Variants in DMD observed in about 807,000 individuals in gnomAD.
DMD encodes the protein dystrophin.
In DMD, 63 loss-of-function variants were observed where a neutral mutation model predicts 330.1. That is an observed-to-expected ratio of 0.19 (90% CI 0.16 to 0.24). The LOEUF is 0.24. Ranked by LOEUF, DMD falls within the 10% of genes least tolerant of loss-of-function variation. The probability of loss-of-function intolerance (pLI) is 1.00; values close to 1 mark genes in which losing one functional copy is unlikely to be tolerated. For missense variants in DMD, 3,344 were observed against 2,684.1 expected (o/e 1.25, Z -5.43); for synonymous variants, 1,223 against 959.8 (o/e 1.27, Z -5.07).
chrX:32,092,798 A>G (rs2096484763), intron 44 of DMD, among the ~76,000 whole-genome samples: 1 of 87,720 alleles, frequency 1.1e-5, no homozygotes, highest in Admixed American at 1.5e-4. Context: ...TTAGGGGAAG[A>G]GTGCCTTTGG....
intron 1 of DMD, among the ~76,000 whole-genome samples, chrX:33,286,631 ATGT>A (rs1231558117): frequency 2.7e-5 from 3 of 111,767 alleles, no homozygotes; most frequent in Non-Finnish European, 3.8e-5. Flanking sequence ...ACAATACATA[ATGT>A]TGTTGTTGTG....
At chrX:32,372,871 C>T (rs2097885040) in intron 34 of DMD, among the ~76,000 whole-genome samples, 1 of 111,021 alleles carries the variant, frequency 9.0e-6, no homozygotes, top group Non-Finnish European at 1.9e-5. Flanking sequence ...ACCTTTTAAA[C>T]AATTTGGAAT....
intron 44 of DMD, among the ~76,000 whole-genome samples, chrX:32,018,070 T>G (rs2095779080): frequency 9.0e-6 from 1 of 111,284 alleles, no homozygotes; most frequent in Non-Finnish European, 1.9e-5. Flanking sequence ...TGCACATAAT[T>G]TACAGTCCAG....
Position 32,970,745 on chromosome X carries a change from C to T in DMD, c.93+49394G>A, listed in dbSNP as rs1444262671. Among the ~76,000 whole-genome samples the T allele has an allele frequency of 2.1e-5, 2 of 93,654 alleles. 1 individual carries two copies. Among genetic ancestry groups the T allele is most frequent in the Non-Finnish European group, 4.1e-5 (2 of 49,294 alleles). 81.3% of individuals were successfully genotyped at this position (93,654 alleles called of 115,157 possible). A position where few individuals can be genotyped will look rare whatever the true frequency, so the allele number is the denominator to read the frequency against. ...TTTCTTTTTCTTTATTTAGTCTTAA[C>T]ACTGAAAAGTCTTAATGAATGTGTA... On this transcript the variant is annotated intron_variant, in intron 2 of 78. Transcript: ENST00000357033.
intron 2 of DMD, among the ~76,000 whole-genome samples, chrX:32,915,851 A>G (rs2087748661): frequency 8.9e-6 from 1 of 111,866 alleles, no homozygotes; most frequent in South Asian, 3.7e-4. Flanking sequence ...AAATATTTCA[A>G]GTGCCATAAA....
intron 17 of DMD, among the ~76,000 whole-genome samples, chrX:32,534,997 G>C (rs2047823547): frequency 1.8e-5 from 2 of 111,140 alleles, no homozygotes; most frequent in Admixed American, 1.9e-4. Flanking sequence ...ATATAAATGT[G>C]GTCATGGGAA....
intron 44 of DMD, among the ~76,000 whole-genome samples, chrX:32,180,122 T>C (rs1468569489): frequency 8.9e-6 from 1 of 112,281 alleles, no homozygotes; most frequent in African/African-American, 3.2e-5. Flanking sequence ...ACAGAACTCA[T>C]GGTGTTTTCT....
At chrX:32,671,689 G>A (rs897794706) in intron 9 of DMD, among the ~76,000 whole-genome samples, 1 of 111,937 alleles carries the variant, frequency 8.9e-6, no homozygotes, top group Non-Finnish European at 1.9e-5. Context: ...CCTTTACAAA[G>A]TAATCTAACC....
At chrX:33,247,984 G>A (rs1418140286) in intron 1 of DMD, among the ~76,000 whole-genome samples, 4 of 111,729 alleles carry the variant, frequency 3.6e-5, no homozygotes, top group Non-Finnish European at 7.5e-5. Context: ...TTGCCATACT[G>A]TAAGACTCAT....
intron 1 of DMD, among the ~76,000 whole-genome samples, chrX:33,256,356 A>G (rs2148900951): frequency 9.0e-6 from 1 of 110,653 alleles, no homozygotes; most frequent in African/African-American, 3.2e-5. Flanking sequence ...ATTAGTATTC[A>G]ACAGTCACAG....
At chrX:32,627,623 C>A (rs1364290942) in intron 11 of DMD, among the ~76,000 whole-genome samples, 1 of 110,680 alleles carries the variant, frequency 9.0e-6, no homozygotes, top group Non-Finnish European at 1.9e-5. Context: ...GGTAGTTTGG[C>A]TCCGGGGCCT....
At chrX:32,676,623 T>A (rs2061988690) in intron 9 of DMD, among the ~76,000 whole-genome samples, 1 of 111,401 alleles carries the variant, frequency 9.0e-6, no homozygotes, top group Non-Finnish European at 1.9e-5. Flanking sequence ...AACAAACTCT[T>A]AGGGTTTTAT....
intron 48 of DMD, among the ~76,000 whole-genome samples, chrX:31,862,906 A>G (rs1248024482): frequency 8.9e-6 from 1 of 112,859 alleles, no homozygotes; most frequent in Admixed American, 9.3e-5. Flanking sequence ...AGATCGAGAA[A>G]GAGGCCATCC....
rs776586825 is a variant in DMD, at chrX:33,274,472, G to A, written c.7+64787C>T. Among the ~76,000 whole-genome samples, 3 of 111,515 alleles carry A rather than the reference G, an allele frequency of 2.7e-5. No homozygotes were observed. The South Asian group carries it at 1.1e-3, about 42-fold the overall frequency. On this transcript the variant is annotated intron_variant, in intron 1 of 17. Transcript: ENST00000288447. ...TAGAAATTTGTGAGCAAAGGAAGAA[G>A]TGAGAAAAAAATGAATATTTAGTAA... is the stretch of plus-strand genomic sequence containing the variant.
At chrX:33,209,145 A>G (rs750942969) in intron 1 of DMD, among the ~76,000 whole-genome samples, 46 of 111,347 alleles carry the variant, frequency 4.1e-4, no homozygotes, top group Non-Finnish European at 7.2e-4. Flanking sequence ...TAAATAATGT[A>G]ATTATGCATA....
intron 44 of DMD, among the ~76,000 whole-genome samples, chrX:32,047,230 A>G (rs149699886): frequency 0.012 from 1,333 of 111,561 alleles, 18 homozygotes; most frequent in African/African-American, 0.041. Context: ...AATAATATCT[A>G]TGGTTCATTG....
intron 4 of DMD, among the ~76,000 whole-genome samples, chrX:32,824,355 T>C (rs1256624527): frequency 8.9e-6 from 1 of 112,168 alleles, no homozygotes; most frequent in Non-Finnish European, 1.9e-5. Flanking sequence ...GGAACCCAGA[T>C]GCCCTCAGGG....
chrX:32,523,233 G>T (rs2046615916), intron 17 of DMD, among the ~76,000 whole-genome samples: 1 of 111,180 alleles, frequency 9.0e-6, no homozygotes, highest in Non-Finnish European at 1.9e-5. Flanking sequence ...GGCCTCAAAA[G>T]CAGCCTCAAA....
At chrX:32,476,470 G>T (rs772343912) in intron 21 of DMD, among the ~76,000 whole-genome samples, 141 of 110,955 alleles carry the variant, frequency 1.3e-3, no homozygotes, top group Non-Finnish European at 2.3e-3. Context: ...TTGGGAACTT[G>T]TCCATCTAAT....
Sources: gnomAD v4.1 joint callset for allele counts (sites outside exome capture counted in the v4.1 genomes callset) on GRCh38, gnomAD v4.1.1 for gene constraint, MANE v1.5 for transcripts, NCBI Gene and HGNC (gene_info 2026-07-23, HGNC 2026-07-21) for gene names.